The following FNDC3A variants were observed in gnomAD, a reference collection of about 807,000 sequenced individuals.
FNDC3A encodes the protein fibronectin type III domain containing 3A, also known as fibronectin type-III domain-containing protein 3A.
FNDC3A carries 32 observed loss-of-function variants against 148.9 expected under a neutral mutation model. That is an observed-to-expected ratio of 0.21 (90% confidence interval 0.16 to 0.29). FNDC3A has a LOEUF of 0.29. Among genes scored for constraint, FNDC3A ranks in the 10% least tolerant of loss-of-function variants. The pLI, the probability that FNDC3A is intolerant of heterozygous loss-of-function variation, is 1.00. For synonymous variants in FNDC3A, 472 were observed against 473.6 expected, an observed-to-expected ratio of 1.00 and a Z score of 0.04; for missense variants, 1,191 against 1,452.8, an observed-to-expected ratio of 0.82 and a Z score of 2.93.
At chr13:49,076,583 C>T (rs534103117) in intron 3 of FNDC3A, among the ~76,000 whole-genome samples, 1 of 152,150 alleles carries the variant, frequency 6.6e-6, no homozygotes, top group Non-Finnish European at 1.5e-5. Context: ...ATTCTTATTC[C>T]TGTCAATAAT....
intron 4 of FNDC3A, among the ~76,000 whole-genome samples, chr13:49,121,973 G>C (rs1881379364): frequency 6.6e-6 from 1 of 152,114 alleles, no homozygotes; most frequent in South Asian, 2.1e-4. Context: ...AACAGAAAAA[G>C]ACGGACTCCT....
At chr13:48,997,010 C>T (rs538173137) in intron 1 of FNDC3A, among the ~76,000 whole-genome samples, 11 of 150,472 alleles carry the variant, frequency 7.3e-5, no homozygotes, top group Admixed American at 4.7e-4. Context: ...CTGCAGCGGG[C>T]GGAGATCGCA....
In FNDC3A at chr13:49,110,141, G is replaced by T. The variant is rs543370876; in HGVS notation, c.176-4514G>T. Among the ~76,000 whole-genome samples, 10 of 152,280 alleles carry T rather than the reference G, an allele frequency of 6.6e-5. No individual in the cohort carries two copies. In the South Asian group the frequency reaches 1.9e-3, roughly 28 times the overall value. On this transcript the variant is annotated intron_variant, in intron 3 of 25. Coordinates refer to ENST00000492622, the MANE Select transcript of FNDC3A (RefSeq NM_001079673.2). The stretch of plus-strand genomic sequence containing the variant: ...AAAGATGGTCAAATTCAGGGCAGCA[G>T]CAGTAGAAATCATTTAATCTTTTTT...
At chr13:49,060,154 CT>C (rs1179789859) in intron 2 of FNDC3A, among the ~76,000 whole-genome samples, 1 of 152,160 alleles carries the variant, frequency 6.6e-6, no homozygotes, top group African/African-American at 2.4e-5. Flanking sequence ...TCCACAAGTA[CT>C]ATGTGGAATA....
intron 8 of FNDC3A, among the ~76,000 whole-genome samples, chr13:49,158,315 C>G (rs564349082): frequency 1.3e-5 from 2 of 152,190 alleles, no homozygotes; most frequent in Non-Finnish European, 2.9e-5. Flanking sequence ...TTCTTTGACT[C>G]GGAAAGGGAA....
intron 2 of FNDC3A, among the ~76,000 whole-genome samples, chr13:49,024,737 A>G (rs1873576055): frequency 6.6e-6 from 1 of 151,990 alleles, no homozygotes; most frequent in South Asian, 2.1e-4. Flanking sequence ...AAGTACCTCA[A>G]TGCAATAAAG....
At chr13:48,986,385 GTTTTTTTTTTTTTTTT>G (rs869031197) in intron 1 of FNDC3A, among the ~76,000 whole-genome samples, 1 of 54,412 alleles carries the variant, frequency 1.8e-5, no homozygotes, top group African/African-American at 7.8e-5. Flanking sequence ...GAAGGAAGTT[GTTTTTTTTTTTTTTTT>G]TTTTTTTTTT....
chr13:49,002,726 C>T (rs1952147523), intron 1 of FNDC3A, among the ~76,000 whole-genome samples: 1 of 152,152 alleles, frequency 6.6e-6, no homozygotes, highest in African/African-American at 2.4e-5. Flanking sequence ...GTGTGTTTTT[C>T]ATGCATGTTG....
At chr13:49,130,624 A>T (rs1046092576) in intron 4 of FNDC3A, among the ~76,000 whole-genome samples, 1 of 152,114 alleles carries the variant, frequency 6.6e-6, no homozygotes, top group Non-Finnish European at 1.5e-5. Flanking sequence ...GTGTTTTAAG[A>T]TTTATATTGA....
chr13:49,083,508 A>G (rs564539184), intron 3 of FNDC3A, among the ~76,000 whole-genome samples: 2 of 152,356 alleles, frequency 1.3e-5, no homozygotes, highest in Admixed American at 6.5e-5. Context: ...CATGTTTAAA[A>G]GAAGTATTGA....
At chr13:49,114,415 G>GC (rs1219138994) in intron 3 of FNDC3A, among the ~76,000 whole-genome samples, 1 of 97,096 alleles carries the variant, frequency 1.0e-5, no homozygotes, top group East Asian at 2.1e-4. Flanking sequence ...CAACCTCCCC[G>GC]CCCCCCACCA....
In FNDC3A at chr13:49,168,762, TC is replaced by T. The variant is rs147667773; in HGVS notation, c.1176+12del. The T allele has an allele frequency of 1.4e-3, 2,315 of 1,611,558 alleles. 40 individuals carry two copies. The African/African-American group carries it at 0.028, about 19-fold the overall frequency. On this transcript the variant is annotated intron_variant, in intron 10 of 25. Coordinates refer to ENST00000492622, the MANE Select transcript of FNDC3A (RefSeq NM_001079673.2). ...ACTTTGCAATGGAAGGTAAGAATAT[TC>T]TTTAGGGTGTTTCCAACTGGACATG...
intron 10 of FNDC3A, among the ~76,000 whole-genome samples, chr13:49,170,968 G>A (rs904793325): frequency 6.6e-6 from 1 of 152,096 alleles, no homozygotes; most frequent in Non-Finnish European, 1.5e-5. Flanking sequence ...CTCACTTCCT[G>A]CTGAGACTTT....
intron 3 of FNDC3A, among the ~76,000 whole-genome samples, chr13:49,077,133 G>A (rs755787277): frequency 8.8e-4 from 134 of 152,220 alleles, no homozygotes; most frequent in Middle Eastern, 3.4e-3. Context: ...TAAAAATTAG[G>A]CATAGTGGCG....
Position 49,131,209 on chromosome 13 carries a change from A to G in FNDC3A, c.325A>G (p.Thr109Ala), listed in dbSNP as rs746213944. ...QAPEFHPGSH[T>A]VLHRSPHPPL... is the part of the protein sequence containing the mutation. ...ACCAGAGTTTCACCCTGGTAGTCAC[A>G]CAGTTCTCCACCGTTCTCCACATCC... The change falls in exon 5 of 26, where the codon ACA becomes GCA. Residue 109 changes from threonine (T) to alanine (A), a missense_variant. Transcript: ENST00000492622. 4 of 1,614,030 alleles carry G rather than the reference A, an allele frequency of 2.5e-6. No individual in the cohort carries two copies. The African/African-American group carries it at 4.0e-5, about 16-fold the overall frequency.
intron 2 of FNDC3A, among the ~76,000 whole-genome samples, chr13:49,065,013 T>G (rs2994377): frequency 0.32 from 48,960 of 152,084 alleles, 8,015 homozygotes; most frequent in South Asian, 0.48. Context: ...AATTCCTGAT[T>G]CAGTTATCTA....
intron 4 of FNDC3A, among the ~76,000 whole-genome samples, chr13:49,122,944 A>G (rs1426158239): frequency 6.6e-6 from 1 of 152,220 alleles, no homozygotes; most frequent in Non-Finnish European, 1.5e-5. Flanking sequence ...TATAGATTCA[A>G]TGCTATCCCC....
chr13:49,174,409 A>G lies in FNDC3A; in HGVS notation c.1231-26A>G, dbSNP rs375694588. Reference sequence around the variant, plus strand: ...ATCTTTTTACAGTAATGTACATGGTATATAATAATCAGCCATTTCTTGTAG... The same window carrying G: ...ATCTTTTTACAGTAATGTACATGGTGTATAATAATCAGCCATTTCTTGTAG... On this transcript the variant is annotated intron_variant, in intron 11 of 25. Coordinates refer to ENST00000492622, the MANE Select transcript of FNDC3A (RefSeq NM_001079673.2). The G allele has an allele frequency of 1.9e-6, 3 of 1,588,598 alleles. No homozygotes were observed. In the East Asian group the frequency reaches 6.7e-5, roughly 36 times the overall value.
chr13:49,078,854 C>T (rs879495672), intron 3 of FNDC3A, among the ~76,000 whole-genome samples: 13 of 152,188 alleles, frequency 8.5e-5, no homozygotes, highest in Middle Eastern at 3.4e-3. Context: ...CATATGCCAG[C>T]GAAGTGGAGA....
Sources: allele counts gnomAD v4.1 joint callset (sites outside exome capture counted in the v4.1 genomes callset), GRCh38; gene constraint gnomAD v4.1.1; transcripts MANE v1.5; gene names NCBI Gene and HGNC (gene_info 2026-07-23, HGNC 2026-07-21).